The following RCOR1 variants were observed in gnomAD, a reference collection of about 807,000 sequenced individuals.
RCOR1 encodes the protein REST corepressor.
A neutral mutation model predicts 64.0 loss-of-function variants in RCOR1; 12 were observed. The ratio of observed to expected loss-of-function variants is 0.19; its 90% CI spans 0.12 to 0.30. RCOR1 has a LOEUF of 0.30. Among genes scored for constraint, RCOR1 ranks in the 10% least tolerant of loss-of-function variants. The probability of loss-of-function intolerance (pLI) is 1.00; values close to 1 mark genes in which losing one functional copy is unlikely to be tolerated. For missense variants in RCOR1, 502 were observed against 621.2 expected (o/e 0.81, Z 2.04); for synonymous variants, 279 against 227.2 (o/e 1.23, Z -2.05).
intron 2 of RCOR1, among the ~76,000 whole-genome samples, chr14:102,678,296 C>CT (rs751278216): frequency 2.6e-5 from 4 of 151,684 alleles, no homozygotes; most frequent in East Asian, 2.0e-4. Flanking sequence ...TGTGCAGGTG[C>CT]TTTTTTTTGT....
At position 102,593,092 on chromosome 14, in the gene RCOR1, A is replaced by G; in HGVS notation, c.206A>G (p.Gln69Arg). The G allele has an allele frequency of 6.8e-7, 1 of 1,476,768 alleles. No homozygotes were observed. Among genetic ancestry groups the G allele is most frequent in the East Asian group, 3.0e-5 (1 of 33,784 alleles). 91.5% of individuals were successfully genotyped at this position (1,476,768 alleles called of 1,614,324 possible). ...GCCGCCGCCGCCCCCAATAATGGCC[A>G]GAATAAAAGTTTGGCGGCGGCGGCG... Reference protein sequence around the residue: ...ASAAAAPNNGQNKSLAAAAPN... With the variant: ...ASAAAAPNNGRNKSLAAAAPN... The change falls in exon 1 of 12, where the codon CAG becomes CGG. Residue 69 changes from glutamine to arginine, a missense_variant. Around this residue, in one of 2 missense-constraint regions of RCOR1, gnomAD observed 242 missense variants for 204.9 expected, o/e 1.18. Transcript: ENST00000262241.
intron 8 of RCOR1, among the ~76,000 whole-genome samples, chr14:102,719,945 C>T (rs188427525): frequency 1.9e-4 from 29 of 152,270 alleles, no homozygotes; most frequent in Admixed American, 1.8e-3. Context: ...GAGTACTTTG[C>T]AATTTTCCTG....
At chr14:102,682,567 G>A (rs1567434504) in intron 3 of RCOR1, among the ~76,000 whole-genome samples, 1 of 152,048 alleles carries the variant, frequency 6.6e-6, no homozygotes. Context: ...TTCAGTCATC[G>A]TATCTCCTTT....
intron 2 of RCOR1, among the ~76,000 whole-genome samples, chr14:102,642,853 T>C (rs1894397622): frequency 6.6e-6 from 1 of 151,846 alleles, no homozygotes; most frequent in Admixed American, 6.6e-5. Context: ...AAAGTTAGTC[T>C]GTGTTAGCAT....
intron 3 of RCOR1, among the ~76,000 whole-genome samples, chr14:102,683,584 C>T (rs367578752): frequency 4.6e-5 from 7 of 152,204 alleles, no homozygotes; most frequent in East Asian, 1.9e-4. Context: ...GGGGCTTCCC[C>T]GGGGGTCCCA....
At chr14:102,602,394 C>CTTTTTTTT (rs66743592) in intron 2 of RCOR1, among the ~76,000 whole-genome samples, 1 of 104,236 alleles carries the variant, frequency 9.6e-6, no homozygotes, top group African/African-American at 3.7e-5. Flanking sequence ...CTTTTCTTTT[C>CTTTTTTTT]TTTTTTTTTT....
At chr14:102,668,149 G>T (rs926024367) in intron 2 of RCOR1, among the ~76,000 whole-genome samples, 1 of 152,156 alleles carries the variant, frequency 6.6e-6, no homozygotes, top group Non-Finnish European at 1.5e-5. Context: ...TATTCATGTG[G>T]CTGTTTAATT....
chr14:102,706,114 CAAAAAAAAAAA>C lies in RCOR1; in HGVS notation c.499-1219_499-1209del, dbSNP rs71119732. 5.2e-3 allele frequency among the ~76,000 whole-genome samples: 110 copies of C among 21,338 alleles called. 1 individual carries two copies. The highest frequency in any genetic ancestry group is 0.024 in the African/African-American group (98 of 4,058). The allele number at this position is 21,338 out of a possible 152,430, so 14.0% of individuals were successfully genotyped here. A position where few individuals can be genotyped will look rare whatever the true frequency, so the allele number is the denominator to read the frequency against. ...GGGCAAGGAGAGTGAAACCCTGTCT[CAAAAAAAAAAA>C]AAAAAAAAAAAAAAAAACCTAAAAA... On this transcript the variant is annotated intron_variant, in intron 4 of 11. Coordinates refer to ENST00000262241, the MANE Select transcript of RCOR1 (RefSeq NM_015156.4).
intron 2 of RCOR1, among the ~76,000 whole-genome samples, chr14:102,676,702 C>T (rs573408193): frequency 5.2e-5 from 6 of 116,160 alleles, no homozygotes; most frequent in South Asian, 5.7e-4. Flanking sequence ...ACCTCCCTCC[C>T]GGACTGGGCG....
At chr14:102,657,823 G>GTACTC in intron 2 of RCOR1, 1 of 915,176 alleles carries the variant, frequency 1.1e-6, no homozygotes, top group Non-Finnish European at 1.3e-6. Context: ...GGGCGACAGA[G>GTACTC]TGAGACTCCG....
chr14:102,595,634 C>A (rs1445052775), intron 2 of RCOR1, among the ~76,000 whole-genome samples: 1 of 150,624 alleles, frequency 6.6e-6, no homozygotes, highest in Non-Finnish European at 1.5e-5. Flanking sequence ...CTGGAGTGCG[C>A]AGTGGTGTGA....
At chr14:102,676,250 C>T (rs914980341) in intron 2 of RCOR1, among the ~76,000 whole-genome samples, 2 of 150,270 alleles carry the variant, frequency 1.3e-5, no homozygotes, top group Non-Finnish European at 3.0e-5. Context: ...GGGGTCGTGG[C>T]CGGGCAGAGG....
chr14:102,727,061 C>T lies in RCOR1; in HGVS notation c.*555C>T, dbSNP rs1003418948. On this transcript the variant is annotated 3_prime_UTR_variant, in exon 12 of 12. Transcript: ENST00000262241. Reference sequence around the variant, plus strand: ...TCATAACCTTTATCATGCCAAGCATCCTGATGCAACTCACATTTCCCTAAA... The same window carrying T: ...TCATAACCTTTATCATGCCAAGCATTCTGATGCAACTCACATTTCCCTAAA... 1 of 152,372 alleles carries T rather than the reference C, an allele frequency of 6.6e-6. No homozygotes were observed. Among genetic ancestry groups the T allele is most frequent in the African/African-American group, 2.4e-5 (1 of 41,446 alleles). 9.4% of individuals were successfully genotyped at this position (152,372 alleles called of 1,614,324 possible).
chr14:102,662,130 T>C (rs1021841486), intron 2 of RCOR1: 1 of 362,062 alleles, frequency 2.8e-6, no homozygotes, highest in African/African-American at 2.1e-5. Flanking sequence ...TTGTACTTCA[T>C]GTATGGTTTT....
intron 2 of RCOR1, among the ~76,000 whole-genome samples, chr14:102,672,608 T>C (rs1895052401): frequency 6.6e-6 from 1 of 152,210 alleles, no homozygotes; most frequent in Non-Finnish European, 1.5e-5. Flanking sequence ...AAGAGCTGAA[T>C]AGACATTTCT....
rs10560881 is a variant in RCOR1, at chr14:102,629,960, ACCT to A, written c.361+36639_361+36641del. The A allele has an allele frequency of 2.1e-3, 2,043 of 968,428 alleles. 34 individuals carry two copies. In the African/African-American group the frequency reaches 0.033, roughly 16 times the overall value. 60.0% of individuals were successfully genotyped at this position (968,428 alleles called of 1,614,324 possible). ...CTTGACTATTATTACATTATATGTG[ACCT>A]CCTAGATAAAGAGATGCCTCCTTAT... On this transcript the variant is annotated intron_variant, in intron 2 of 11. Transcript: ENST00000262241.
At chr14:102,697,389 A>G (rs1895671095) in intron 3 of RCOR1, among the ~76,000 whole-genome samples, 1 of 152,216 alleles carries the variant, frequency 6.6e-6, no homozygotes, top group Non-Finnish European at 1.5e-5. Flanking sequence ...TACCCTGTAC[A>G]TAACCTGTGC....
At position 102,730,224 on chromosome 14, in the gene RCOR1, A is replaced by AT; in HGVS notation, c.*3722dup. ...AAGTGCTTTTTAGACAGCTTAAAAAATTTTCAAGATTTTAAAAGATGTATA... is the reference window on the plus strand; with the variant it reads ...AAGTGCTTTTTAGACAGCTTAAAAAATTTTTCAAGATTTTAAAAGATGTATA... On this transcript the variant is annotated 3_prime_UTR_variant, in exon 12 of 12. Coordinates refer to ENST00000262241, the MANE Select transcript of RCOR1 (RefSeq NM_015156.4). 5.1e-6 allele frequency: 2 copies of AT among 389,856 alleles called. No individual in the cohort carries two copies. Among genetic ancestry groups the AT allele is most frequent in the Non-Finnish European group, 9.1e-6 (2 of 220,858 alleles). The allele number at this position is 389,856 out of a possible 1,614,324, so 24.1% of individuals were successfully genotyped here.
chr14:102,709,966 C>G (rs1396424240), intron 6 of RCOR1, among the ~76,000 whole-genome samples: 1 of 152,200 alleles, frequency 6.6e-6, no homozygotes, highest in Non-Finnish European at 1.5e-5. Flanking sequence ...CCTCCACCTC[C>G]CATGTGCACC....
Sources: allele counts gnomAD v4.1 joint callset (sites outside exome capture counted in the v4.1 genomes callset), GRCh38; gene constraint gnomAD v4.1.1; regional missense constraint gnomAD v4.1.1; transcripts MANE v1.5; gene names NCBI Gene and HGNC (gene_info 2026-07-23, HGNC 2026-07-21).